The following FREM1 variants were observed in gnomAD, a reference collection of about 807,000 sequenced individuals.
FREM1 encodes FRAS1-related extracellular matrix protein 1.
A neutral mutation model predicts 210.1 loss-of-function variants in FREM1; 220 were observed. The ratio of observed to expected loss-of-function variants is 1.05; its 90% CI spans 0.94 to 1.17. FREM1 has a LOEUF of 1.17. Ranked by LOEUF, FREM1 falls within the 50% of genes most tolerant of loss-of-function variation. The pLI, the probability that FREM1 is intolerant of heterozygous loss-of-function variation, is 0.00. For synonymous variants in FREM1, 1,189 were observed against 980.2 expected (o/e 1.21, Z -3.98); for missense variants, 3,454 against 2,675.5 (o/e 1.29, Z -6.42).
chr9:14,840,296 C>A (rs1825441328), intron 10 of FREM1, among the ~76,000 whole-genome samples: 1 of 152,120 alleles, frequency 6.6e-6, no homozygotes, highest in African/African-American at 2.4e-5. Context: ...GTACAAAATG[C>A]CTAGCAAAAT....
chr9:14,899,456 G>C (rs1160102410), intron 1 of FREM1, among the ~76,000 whole-genome samples: 1 of 152,172 alleles, frequency 6.6e-6, no homozygotes, highest in African/African-American at 2.4e-5. Flanking sequence ...TCAAGTACTG[G>C]TTCAAAAACA....
intron 35 of FREM1, among the ~76,000 whole-genome samples, chr9:14,742,631 A>C (rs543865821): frequency 6.6e-6 from 1 of 152,166 alleles, no homozygotes; most frequent in Non-Finnish European, 1.5e-5. Context: ...ACTTTCAGAA[A>C]TATTTGTTAA....
intron 21 of FREM1, among the ~76,000 whole-genome samples, chr9:14,794,148 G>T (rs184230542): frequency 1.4e-3 from 218 of 152,304 alleles, no homozygotes; most frequent in African/African-American, 4.9e-3. Context: ...CATAATCTAG[G>T]TTATCCTAAA....
At chr9:14,830,553 G>A (rs79900331) in intron 10 of FREM1, among the ~76,000 whole-genome samples, 1 of 152,078 alleles carries the variant, frequency 6.6e-6, no homozygotes, top group Non-Finnish European at 1.5e-5. Flanking sequence ...GCATAAATAT[G>A]TAAAGACATA....
intron 15 of FREM1, among the ~76,000 whole-genome samples, chr9:14,814,763 T>C (rs7048967): frequency 0.056 from 8,572 of 152,066 alleles, 773 homozygotes; most frequent in African/African-American, 0.19. Context: ...CCAAAGGCAA[T>C]AGAATTAAGA....
intron 5 of FREM1, among the ~76,000 whole-genome samples, chr9:14,855,962 T>C (rs571887504): frequency 6.6e-5 from 10 of 152,234 alleles, no homozygotes; most frequent in Admixed American, 5.9e-4. Context: ...TAGTTGTCTA[T>C]AGACCTAGTG....
In FREM1 at chr9:14,860,791, A is replaced by ACATATATACG. The variant is rs1564101717; in HGVS notation, c.330-1308_330-1307insCGTATATATG. Among the ~76,000 whole-genome samples the ACATATATACG allele has an allele frequency of 1.5e-3, 150 of 103,264 alleles. 5 individuals carry two copies. Among genetic ancestry groups the ACATATATACG allele is most frequent in the African/African-American group, 5.2e-3 (140 of 26,896 alleles). 67.7% of individuals were successfully genotyped at this position (103,264 alleles called of 152,430 possible). A position where few individuals can be genotyped will look rare whatever the true frequency, so the allele number is the denominator to read the frequency against. On this transcript the variant is annotated intron_variant, in intron 3 of 36. Coordinates refer to ENST00000380880, the MANE Select transcript of FREM1 (RefSeq NM_001379081.2). ...TATATACACATATATACATATATAC[A>ACATATATACG]TATATACACATATATACATATATAC...
At chr9:14,866,855 G>A (rs886110222) in intron 2 of FREM1, among the ~76,000 whole-genome samples, 1 of 151,686 alleles carries the variant, frequency 6.6e-6, no homozygotes, top group Non-Finnish European at 1.5e-5. Context: ...TCTACAGGCT[G>A]CATTTTCCTT....
chr9:14,845,161 G>A (rs1397757407), intron 8 of FREM1, among the ~76,000 whole-genome samples: 1 of 152,110 alleles, frequency 6.6e-6, no homozygotes, highest in Admixed American at 6.5e-5. Flanking sequence ...ATCATAAAGT[G>A]TAAATATTAC....
intron 6 of FREM1, among the ~76,000 whole-genome samples, chr9:14,849,477 T>C (rs917292680): frequency 2.0e-5 from 3 of 152,202 alleles, no homozygotes; most frequent in Admixed American, 6.5e-5. Context: ...GCACCAGATG[T>C]TGACAGAGAA....
At chr9:14,828,642 G>GGGGGGGGGGGGGC (rs1822942639) in intron 10 of FREM1, among the ~76,000 whole-genome samples, 1 of 94,772 alleles carries the variant, frequency 1.1e-5, no homozygotes, top group African/African-American at 3.2e-5. Flanking sequence ...TTGTGGCGGG[G>GGGGGGGGGGGGGC]CGGGGGAGGT....
At chr9:14,895,616 T>C (rs1342498840) in intron 1 of FREM1, among the ~76,000 whole-genome samples, 1 of 152,068 alleles carries the variant, frequency 6.6e-6, no homozygotes, top group Non-Finnish European at 1.5e-5. Flanking sequence ...TTTACTTATT[T>C]TGCCTTACTG....
At chr9:14,804,308 G>A (rs1817931393) in intron 19 of FREM1, among the ~76,000 whole-genome samples, 1 of 152,294 alleles carries the variant, frequency 6.6e-6, no homozygotes, top group African/African-American at 2.4e-5. Context: ...AACTTTGGCT[G>A]GGTGCGGTGG....
At position 14,769,833 on chromosome 9, in the gene FREM1, A is replaced by C. The variant is rs1473132758; in HGVS notation, c.5095T>G (p.Leu1699Val). ...ATGTAAAGAATAGTCTTACTGTTTA[A>C]GTCCTTTTGGCTAAATTTCTCATGG... ...FIHEKFSQKD[L>V]NSKTILYIIN... is the part of the protein sequence containing the mutation. The change falls in exon 27 of 37, where the codon TTA becomes GTA. Residue 1699 changes from leucine to valine, a missense_variant. Coordinates refer to ENST00000380880, the MANE Select transcript of FREM1 (RefSeq NM_001379081.2). 6.3e-7 allele frequency: 1 copy of C among 1,586,920 alleles called. No homozygotes were observed. The highest frequency in any genetic ancestry group is 8.6e-7 in the Non-Finnish European group (1 of 1,165,400).
chr9:14,772,671 G>A (rs1847794168), intron 25 of FREM1, among the ~76,000 whole-genome samples: 1 of 152,166 alleles, frequency 6.6e-6, no homozygotes, highest in Non-Finnish European at 1.5e-5. Context: ...CTCCTGAAGA[G>A]TATGGGTGGC....
rs73642433 is a variant in FREM1 at position 14,883,408 on chromosome 9, C to G, written c.-267-14164G>C. Among the ~76,000 whole-genome samples the G allele has an allele frequency of 7.9e-3, 1,199 of 152,198 alleles. 13 individuals are homozygous for G. Among genetic ancestry groups the G allele is most frequent in the African/African-American group, 0.028 (1,155 of 41,508 alleles). On this transcript the variant is annotated intron_variant, in intron 1 of 36. Transcript: ENST00000380880. ...TGCTTTGTTTGGTTTTATTTGCATTCTAATTTTGCTCTTGTATTTTTCTCT... is the reference window on the plus strand; with the variant it reads ...TGCTTTGTTTGGTTTTATTTGCATTGTAATTTTGCTCTTGTATTTTTCTCT...
In FREM1 at chr9:14,770,607, G is replaced by A. The variant is rs532147302; in HGVS notation, c.5057C>T (p.Thr1686Ile). The A allele has an allele frequency of 3.3e-5, 53 of 1,608,878 alleles. No homozygotes were observed. The East Asian group carries it at 1.0e-3, about 32-fold the overall frequency. The change falls in exon 26 of 37, where the codon ACA becomes ATA. Residue 1686 changes from threonine (T) to isoleucine (I), a missense_variant and splice_region_variant. Coordinates refer to ENST00000380880, the MANE Select transcript of FREM1 (RefSeq NM_001379081.2). ...GTAAGGATTAAGGAGGCCAGTACCT[G>A]TTGTTGTGTTCTCCAGATGTCCATG... ...PKHGHLENTTTGEFIHEKFSQ... is the reference protein window; with the variant it reads ...PKHGHLENTTIGEFIHEKFSQ...
At chr9:14,846,521 T>A (rs1251464413) in intron 7 of FREM1, among the ~76,000 whole-genome samples, 1 of 152,040 alleles carries the variant, frequency 6.6e-6, no homozygotes, top group Non-Finnish European at 1.5e-5. Context: ...AGAACTTAAA[T>A]TTTTTAAAAA....
At chr9:14,786,772 C>A (rs555788891) in intron 23 of FREM1, among the ~76,000 whole-genome samples, 2 of 152,310 alleles carry the variant, frequency 1.3e-5, no homozygotes, top group Non-Finnish European at 2.9e-5. Context: ...CAACTTCAGT[C>A]CTACGTAGAA....
Sources: allele counts gnomAD v4.1 joint callset (sites outside exome capture counted in the v4.1 genomes callset), GRCh38; gene constraint gnomAD v4.1.1; transcripts MANE v1.5; gene names NCBI Gene and HGNC (gene_info 2026-07-23, HGNC 2026-07-21).